The following NTNG1 variants were observed in gnomAD, a reference collection of about 807,000 sequenced individuals.
The protein encoded by NTNG1 is netrin G1.
A neutral mutation model predicts 54.0 loss-of-function variants in NTNG1; 16 were observed. That is an observed-to-expected ratio of 0.30 (90% CI 0.20 to 0.45). NTNG1 has a LOEUF of 0.45. NTNG1 is among the 20% of genes least tolerant of loss of function. The pLI, the probability that NTNG1 is intolerant of heterozygous loss-of-function variation, is 1.00. For synonymous variants in NTNG1, 255 were observed against 263.1 expected (o/e 0.97, Z 0.30); for missense variants, 530 against 678.7 (o/e 0.78, Z 2.43).
Position 107,231,376 on chromosome 1 carries a change from C to T in NTNG1, c.246+82537C>T, listed in dbSNP as rs529201488. Among the ~76,000 whole-genome samples, 5 of 152,246 alleles carry T rather than the reference C, an allele frequency of 3.3e-5. No individual in the cohort carries two copies. The South Asian group carries it at 1.0e-3, about 32-fold the overall frequency. Reference sequence around the variant, plus strand: ...GTGAGCAGGCTGTGGAGCTAAGTAGCCTGACTTCAACTCCTGAATGCCATT... The same window carrying T: ...GTGAGCAGGCTGTGGAGCTAAGTAGTCTGACTTCAACTCCTGAATGCCATT... On this transcript the variant is annotated intron_variant, in intron 2 of 7. Transcript: ENST00000370068.
intron 5 of NTNG1, among the ~76,000 whole-genome samples, chr1:107,423,861 C>T (rs1004648999): frequency 2.0e-5 from 3 of 152,192 alleles, no homozygotes; most frequent in East Asian, 1.9e-4. Flanking sequence ...GGAATTCAAA[C>T]GATGAAGGAA....
chr1:107,143,876 G>C (rs1165396787), intron 1 of NTNG1, among the ~76,000 whole-genome samples: 1 of 152,028 alleles, frequency 6.6e-6, no homozygotes, highest in Admixed American at 6.6e-5. Flanking sequence ...CAAAACATGT[G>C]CTATCTAATT....
chr1:107,335,138 G>A (rs1668506186), intron 3 of NTNG1, among the ~76,000 whole-genome samples: 1 of 151,942 alleles, frequency 6.6e-6, no homozygotes, highest in African/African-American at 2.4e-5. Context: ...TGTTTGATTG[G>A]TCCTTTTAAG....
intron 2 of NTNG1, among the ~76,000 whole-genome samples, chr1:107,154,867 TA>T (rs1311193328): frequency 2.0e-5 from 3 of 152,082 alleles, no homozygotes; most frequent in African/African-American, 7.2e-5. Context: ...GTGGCTTATC[TA>T]CCTGGAACTC....
chr1:107,409,805 T>G (rs1191783377), intron 5 of NTNG1: 1 of 152,144 alleles, frequency 6.6e-6, no homozygotes, highest in African/African-American at 2.4e-5. Context: ...GCTTACCTGT[T>G]TCCTGGCTTT....
intron 1 of NTNG1, among the ~76,000 whole-genome samples, chr1:107,145,523 C>A (rs149921470): frequency 6.6e-6 from 1 of 151,976 alleles, no homozygotes; most frequent in East Asian, 1.9e-4. Flanking sequence ...TGTAATACGC[C>A]GTGGTCAATA....
At chr1:107,325,457 T>G (rs913632687) in intron 3 of NTNG1, among the ~76,000 whole-genome samples, 2 of 152,128 alleles carry the variant, frequency 1.3e-5, no homozygotes, top group Non-Finnish European at 2.9e-5. Flanking sequence ...TTCATGTTTT[T>G]GGATGTTATT....
intron 7 of NTNG1, among the ~76,000 whole-genome samples, chr1:107,437,599 G>A (rs1443521109): frequency 6.6e-6 from 1 of 152,154 alleles, no homozygotes; most frequent in African/African-American, 2.4e-5. Context: ...CTGTGTAGCA[G>A]TGTGGTCCAA....
intron 3 of NTNG1, among the ~76,000 whole-genome samples, chr1:107,364,494 G>A (rs535905535): frequency 6.6e-6 from 1 of 152,184 alleles, no homozygotes; most frequent in African/African-American, 2.4e-5. Context: ...GAACTGACTT[G>A]GTTAAAAGAC....
chr1:107,415,343 C>T (rs539378972), intron 5 of NTNG1, among the ~76,000 whole-genome samples: 1 of 152,166 alleles, frequency 6.6e-6, no homozygotes, highest in South Asian at 2.1e-4. Flanking sequence ...TCTTAATCCA[C>T]TAGATTCTCC....
chr1:107,430,688 G>A (rs749825184), intron 5 of NTNG1, 62 bp from the exon 6 acceptor site: 1 of 1,513,792 alleles, frequency 6.6e-7, no homozygotes, highest in Non-Finnish European at 9.2e-7. Flanking sequence ...ACCCAAGCAT[G>A]TAGTATGCTA....
At chr1:107,328,951 G>A (rs1248935290) in intron 3 of NTNG1, 1 of 151,970 alleles carries the variant, frequency 6.6e-6, no homozygotes, top group Non-Finnish European at 1.5e-5. Context: ...AAGTGGACTG[G>A]AAAACTCCCA....
chr1:107,202,087 A>G (rs968963469), intron 2 of NTNG1, among the ~76,000 whole-genome samples: 2 of 151,362 alleles, frequency 1.3e-5, no homozygotes, highest in Non-Finnish European at 3.0e-5. Context: ...TTTCTTTAGT[A>G]TTTTACTAGA....
In NTNG1 at chr1:107,216,408, G is replaced by A. The variant is rs111639138; in HGVS notation, c.246+67569G>A. Among the ~76,000 whole-genome samples, 341 of 152,240 alleles carry A rather than the reference G, an allele frequency of 2.2e-3. 1 individual carries two copies. Among genetic ancestry groups the A allele is most frequent in the East Asian group, 0.011 (59 of 5,178 alleles). On this transcript the variant is annotated intron_variant, in intron 2 of 7. Coordinates refer to ENST00000370068, the MANE Select transcript of NTNG1 (RefSeq NM_001113226.3). Reference sequence around the variant, plus strand: ...TTTCTGAGTCTATTGAGATGATCATGTGATTTTTGTTTTTAATTCTGTTTA... The same window carrying A: ...TTTCTGAGTCTATTGAGATGATCATATGATTTTTGTTTTTAATTCTGTTTA...
intron 3 of NTNG1, among the ~76,000 whole-genome samples, chr1:107,368,544 T>G (rs1670731199): frequency 6.6e-6 from 1 of 152,216 alleles, no homozygotes; most frequent in Non-Finnish European, 1.5e-5. Flanking sequence ...ATTCACTGCC[T>G]CCTTCATTAG....
chr1:107,348,854 C>G (rs1669424473), intron 3 of NTNG1, among the ~76,000 whole-genome samples: 1 of 152,144 alleles, frequency 6.6e-6, no homozygotes, highest in Non-Finnish European at 1.5e-5. Context: ...ATACTGTTCT[C>G]TGTGCTTTTA....
intron 2 of NTNG1, among the ~76,000 whole-genome samples, chr1:107,154,054 C>T (rs1182555337): frequency 3.3e-5 from 5 of 152,104 alleles, no homozygotes; most frequent in Non-Finnish European, 5.9e-5. Context: ...ACATGCAAAA[C>T]CTAGTGGTGG....
At chr1:107,451,209 G>T (rs72987583) in intron 7 of NTNG1, among the ~76,000 whole-genome samples, 1 of 150,746 alleles carries the variant, frequency 6.6e-6, no homozygotes, top group Non-Finnish European at 1.5e-5. Flanking sequence ...CAAAGTTAAG[G>T]TTTCTCTTTT....
chr1:107,372,295 G>A (rs1670966727), intron 3 of NTNG1, among the ~76,000 whole-genome samples: 2 of 151,856 alleles, frequency 1.3e-5, no homozygotes, highest in African/African-American at 4.8e-5. Context: ...TTCTTCTTCT[G>A]TAATAATATT....
Sources: gnomAD v4.1 joint callset for allele counts (sites outside exome capture counted in the v4.1 genomes callset) on GRCh38, gnomAD v4.1.1 for gene constraint, MANE v1.5 for transcripts, NCBI Gene and HGNC (gene_info 2026-07-23, HGNC 2026-07-21) for gene names.